Variants in TMCO5A observed in about 807,000 individuals in gnomAD.
TMCO5A encodes transmembrane and coiled-coil domains 5A, also known as transmembrane and coiled-coil domain-containing protein 5A.
In TMCO5A, 34 loss-of-function variants were observed where a neutral mutation model predicts 42.3. The observed-to-expected ratio is 0.80, with a 90% CI of 0.61 to 1.07. The LOEUF (loss-of-function observed/expected upper bound fraction) is 1.07. TMCO5A is among the 50% of genes least tolerant of loss of function. TMCO5A has a pLI of 0.00. For missense variants in TMCO5A, 357 were observed against 327.9 expected (o/e 1.09, Z -0.69); for synonymous variants, 131 against 115.6 (o/e 1.13, Z -0.86).
the TMCO5A span, among the ~76,000 whole-genome samples, chr15:37,981,974 C>G: frequency 5.1e-3 from 778 of 152,272 alleles, 13 homozygotes; most frequent in African/African-American, 0.018. Flanking sequence ...GCCTGTTTCC[C>G]TCATGAACAG....
downstream of TMCO5A, among the ~76,000 whole-genome samples, chr15:37,968,644 A>G (rs1890613751): frequency 6.8e-6 from 1 of 146,290 alleles, no homozygotes; most frequent in Non-Finnish European, 1.5e-5. Context: ...GTGCAATGAC[A>G]TTATCTCAGC....
intron 10 of TMCO5A, among the ~76,000 whole-genome samples, chr15:37,945,877 A>G (rs1419062301): frequency 6.6e-6 from 1 of 152,096 alleles, no homozygotes; most frequent in Non-Finnish European, 1.5e-5. Flanking sequence ...TAGTTTAAGT[A>G]TATCCCACTT....
intron 10 of TMCO5A, 109 bp from the exon 11 acceptor site, chr15:37,947,547 T>G: frequency 2.7e-6 from 2 of 738,884 alleles, no homozygotes; most frequent in Non-Finnish European, 2.3e-6. Flanking sequence ...TAAAAAGAAT[T>G]TGTTAAAGTT....
In TMCO5A at chr15:37,943,395, T is replaced by A; in HGVS notation, c.624T>A (p.Asn208Lys). 3 of 1,612,266 alleles carry A rather than the reference T, an allele frequency of 1.9e-6. No individual in the cohort carries two copies. The highest frequency in any genetic ancestry group is 2.5e-6 in the Non-Finnish European group (3 of 1,179,014). Residue 208 changes from asparagine to lysine, a missense_variant, in exon 10 of 12, where the codon AAT (asparagine) becomes AAA (lysine). Asn to Lys is a moderately conservative substitution (Grantham distance 94). Coordinates refer to ENST00000319669, the MANE Select transcript of TMCO5A (RefSeq NM_152453.4). Reference protein sequence around the residue: ...PVEKEHTSQNNEGTPTQKTAR... With the variant: ...PVEKEHTSQNKEGTPTQKTAR... ...AAAAAGAGCATACCAGCCAAAATAA[T>A]GAGGTAAACACTCCATTCTCTCTTC...
chr15:38,028,124 T>C, the TMCO5A span, among the ~76,000 whole-genome samples: 2 of 150,792 alleles, frequency 1.3e-5, no homozygotes, highest in Non-Finnish European at 2.9e-5. Context: ...AACCGCAAAT[T>C]AAGAAAATTG....
At chr15:37,949,933 A>G (rs1468972221) in intron 11 of TMCO5A, among the ~76,000 whole-genome samples, 2 of 152,176 alleles carry the variant, frequency 1.3e-5, no homozygotes, top group Non-Finnish European at 2.9e-5. Context: ...GCTAGAAGTT[A>G]TATTTCCAAG....
chr15:38,034,450 A>G, the TMCO5A span, among the ~76,000 whole-genome samples: 1 of 152,182 alleles, frequency 6.6e-6, no homozygotes, highest in Non-Finnish European at 1.5e-5. Flanking sequence ...GAAAATGCAT[A>G]AGCTTCATCG....
the TMCO5A span, among the ~76,000 whole-genome samples, chr15:38,027,659 GT>G: frequency 6.6e-6 from 1 of 152,116 alleles, no homozygotes; most frequent in Non-Finnish European, 1.5e-5. Context: ...GAATGATATG[GT>G]TTGGCTCTGT....
chr15:37,964,166 A>G (rs1406213866), intron 11 of TMCO5A, among the ~76,000 whole-genome samples: 1 of 152,122 alleles, frequency 6.6e-6, no homozygotes, highest in African/African-American at 2.4e-5. Flanking sequence ...AGGCTGTTGT[A>G]CAGATTCTTT....
chr15:38,004,175 G>T, the TMCO5A span, among the ~76,000 whole-genome samples: 2 of 152,030 alleles, frequency 1.3e-5, no homozygotes, highest in Non-Finnish European at 2.9e-5. Context: ...TTTCCTTCTA[G>T]CCCAGAGTGT....
chr15:37,936,447 G>C lies in TMCO5A; in HGVS notation c.124G>C (p.Glu42Gln). 6.2e-7 allele frequency: 1 copy of C among 1,612,730 alleles called. No homozygotes were observed. The highest frequency in any genetic ancestry group is 1.1e-5 in the South Asian group (1 of 91,024). The change falls in exon 3 of 12, where the codon GAA (glutamate) becomes CAA (glutamine). Residue 42 changes from glutamate to glutamine, a missense_variant. Transcript: ENST00000319669. ...QKLLLKIQER[E>Q]DKIQRLESEI... ...ACTTCTTCTCAAAATCCAAGAGAGG[G>C]AAGATAAGATTCAGAGGTGAGTATT...
the TMCO5A span, among the ~76,000 whole-genome samples, chr15:38,037,349 A>G: frequency 1.3e-5 from 2 of 152,242 alleles, no homozygotes; most frequent in African/African-American, 2.4e-5. Context: ...ATATTGTACA[A>G]TTGATAGCTG....
At chr15:38,004,395 C>G in the TMCO5A span, among the ~76,000 whole-genome samples, 16 of 152,144 alleles carry the variant, frequency 1.1e-4, no homozygotes, top group African/African-American at 3.9e-4. Context: ...GCCACCCCAT[C>G]TGGTCATGTG....
At chr15:37,996,943 A>G in the TMCO5A span, among the ~76,000 whole-genome samples, 2 of 152,202 alleles carry the variant, frequency 1.3e-5, no homozygotes, top group African/African-American at 4.8e-5. Context: ...TTATTTCTAT[A>G]ACTTCTATCT....
intron 11 of TMCO5A, among the ~76,000 whole-genome samples, chr15:37,958,215 G>T (rs1434691498): frequency 6.6e-6 from 1 of 152,018 alleles, no homozygotes; most frequent in African/African-American, 2.4e-5. Flanking sequence ...AAAAGCAAAG[G>T]CAACAAAAAC....
chr15:37,950,337 A>T (rs1048510041), intron 11 of TMCO5A, among the ~76,000 whole-genome samples: 2 of 152,184 alleles, frequency 1.3e-5, no homozygotes, highest in Non-Finnish European at 2.9e-5. Context: ...ATCGATCCTA[A>T]TTAAAGAAAA....
At position 37,943,287 on chromosome 15, in the gene TMCO5A, A is replaced by G. The variant is rs931331429; in HGVS notation, c.570-54A>G. 16 of 1,546,358 alleles carry G rather than the reference A, an allele frequency of 1.0e-5. No individual in the cohort carries two copies. In the Middle Eastern group the frequency reaches 1.0e-3, roughly 98 times the overall value. On this transcript the variant is annotated intron_variant, in intron 9 of 11. Transcript: ENST00000319669. ...TTTTTTAAAATAACCATAGTGTAGT[A>G]TGAATATTTCAGTGCACTTTGTTCA... is the stretch of plus-strand genomic sequence containing the variant.
the TMCO5A span, among the ~76,000 whole-genome samples, chr15:38,034,730 C>A: frequency 1.3e-5 from 2 of 152,272 alleles, no homozygotes; most frequent in African/African-American, 4.8e-5. Context: ...AACTGTGTTA[C>A]CAATTGCCTA....
At chr15:37,983,788 G>A in the TMCO5A span, among the ~76,000 whole-genome samples, 3 of 148,518 alleles carry the variant, frequency 2.0e-5, no homozygotes, top group Non-Finnish European at 3.0e-5. Context: ...GCAATGGCAT[G>A]ATCTCGGCTC....
Sources: gnomAD v4.1 joint callset for allele counts (sites outside exome capture counted in the v4.1 genomes callset) on GRCh38, gnomAD v4.1.1 for gene constraint, MANE v1.5 for transcripts, NCBI Gene and HGNC (gene_info 2026-07-23, HGNC 2026-07-21) for gene names.